CMIP: variants seen among roughly 807,000 people sequenced by gnomAD.
CMIP encodes c-Maf inducing protein.
In CMIP, 13 loss-of-function variants were observed where a neutral mutation model predicts 97.3. That is an observed-to-expected ratio of 0.13 (90% CI 0.09 to 0.21). The LOEUF is 0.21. Among genes scored for constraint, CMIP ranks in the 10% least tolerant of loss-of-function variants. CMIP has a pLI of 1.00. For missense variants in CMIP, 847 were observed against 1,024.9 expected (o/e 0.83, Z 2.37); for synonymous variants, 538 against 436.3 (o/e 1.23, Z -2.91).
intron 1 of CMIP, among the ~76,000 whole-genome samples, chr16:81,474,124 G>A (rs934690109): frequency 3.3e-5 from 5 of 152,050 alleles, no homozygotes; most frequent in African/African-American, 1.2e-4. Flanking sequence ...TTCAGGCTGG[G>A]CACGGCCTCT....
At chr16:81,680,636 C>G (rs1452343493) in intron 10 of CMIP, among the ~76,000 whole-genome samples, 1 of 152,220 alleles carries the variant, frequency 6.6e-6, no homozygotes, top group Non-Finnish European at 1.5e-5. Context: ...AAGCGGAATT[C>G]CAGATCCCAC....
At chr16:81,635,934 G>C (rs1006281066) in intron 3 of CMIP, among the ~76,000 whole-genome samples, 5 of 152,052 alleles carry the variant, frequency 3.3e-5, no homozygotes, top group Non-Finnish European at 5.9e-5. Context: ...TCAAATTTTC[G>C]GGGTTTACAT....
chr16:81,696,402 T>G, intron 13 of CMIP, 158 bp from the exon 14 acceptor site: 1 of 710,396 alleles, frequency 1.4e-6, no homozygotes, highest in South Asian at 1.7e-5. Flanking sequence ...TTCATGGCAT[T>G]TGGTGGAAGG....
chr16:81,604,841 C>G (rs16955637), intron 1 of CMIP, among the ~76,000 whole-genome samples: 2,829 of 152,316 alleles, frequency 0.019, 105 homozygotes, highest in East Asian at 0.18. Flanking sequence ...AAGCCTCTGT[C>G]CAGTGTGTTG....
rs758665398 is a variant in CMIP, at chr16:81,678,498, G to A, written c.1258G>A (p.Ala420Thr). The A allele has an allele frequency of 5.3e-5, 85 of 1,599,806 alleles. No individual in the cohort carries two copies. Among genetic ancestry groups the A allele is most frequent in the South Asian group, 9.0e-5 (8 of 89,088 alleles). Residue 420 changes from alanine to threonine, a missense_variant, in exon 10 of 21, where the codon GCA (alanine) becomes ACA (threonine). Physicochemically the swap from Ala to Thr is moderately conservative, Grantham distance 58. This residue lies in a region of CMIP where 202 missense variants were observed against 168.7 expected (regional missense o/e 1.20). Transcript: ENST00000537098. ...TGCCAAGCCGGCGCTGACGGCCAGC[G>A]CAGGCAACGACAGCGAGCCCAACCT... ...STAKPALTAS[A>T]GNDSEPNLID...
chr16:81,521,246 C>T (rs1372618852), intron 1 of CMIP, among the ~76,000 whole-genome samples: 1 of 152,226 alleles, frequency 6.6e-6, no homozygotes, highest in African/African-American at 2.4e-5. Context: ...GTGGCCTCTG[C>T]ATCATTGCTT....
chr16:81,615,983 C>T (rs1438494049), intron 2 of CMIP, among the ~76,000 whole-genome samples: 5 of 151,924 alleles, frequency 3.3e-5, no homozygotes, highest in African/African-American at 9.7e-5. Context: ...GGGACCACGG[C>T]CAGCTTTCCT....
chr16:81,605,549 C>T (rs1393403638), intron 1 of CMIP, among the ~76,000 whole-genome samples: 1 of 152,224 alleles, frequency 6.6e-6, no homozygotes, highest in Non-Finnish European at 1.5e-5. Context: ...GGTGGACCTA[C>T]CAGCCTCTCC....
In CMIP at chr16:81,548,677, C is replaced by CAA. The variant is rs371381981; in HGVS notation, c.301-58880_301-58879dup. On this transcript the variant is annotated intron_variant, in intron 1 of 20. Transcript: ENST00000537098. ...GCAACATAGGGAGACCATGCCTCTA[C>CAA]AAAAAAAAAAAGAAAAAAAAAAGCC... Among the ~76,000 whole-genome samples, 112 of 113,384 alleles carry CAA rather than the reference C, an allele frequency of 9.9e-4. 1 individual carries two copies. The highest frequency in any genetic ancestry group is 4.9e-3 in the Middle Eastern group (1 of 206). 74.4% of individuals were successfully genotyped at this position (113,384 alleles called of 152,430 possible). A position where few individuals can be genotyped will look rare whatever the true frequency, so the allele number is the denominator to read the frequency against.
At chr16:81,604,657 G>A (rs565743838) in intron 1 of CMIP, among the ~76,000 whole-genome samples, 28 of 152,112 alleles carry the variant, frequency 1.8e-4, no homozygotes, top group Non-Finnish European at 3.7e-4. Flanking sequence ...CCGAGATCGC[G>A]CCACTGCAGT....
At chr16:81,511,957 C>G (rs56147704) in intron 1 of CMIP, among the ~76,000 whole-genome samples, 30,055 of 151,938 alleles carry the variant, frequency 0.2, 3,615 homozygotes, top group Admixed American at 0.31. Flanking sequence ...GAGATGTGCT[C>G]TAAGTGTAAA....
chr16:81,669,018 ACTCCTCCTTCCACACCCACCACACT>A (rs1356080910), intron 7 of CMIP, among the ~76,000 whole-genome samples: 113 of 90,054 alleles, frequency 1.3e-3, no homozygotes, highest in African/African-American at 4.9e-3. Flanking sequence ...CCCACCTCAC[ACTCCTCCTTCCACACCCACCACACT>A]CTCCTCCTTC....
chr16:81,524,200 A>G (rs947209716), intron 1 of CMIP, among the ~76,000 whole-genome samples: 38 of 152,250 alleles, frequency 2.5e-4, no homozygotes, highest in Non-Finnish European at 4.7e-4. Flanking sequence ...AAAGGAAGCC[A>G]GTATTGGGGT....
chr16:81,706,750 C>T (rs1908193803), intron 19 of CMIP, among the ~76,000 whole-genome samples: 1 of 152,134 alleles, frequency 6.6e-6, no homozygotes, highest in African/African-American at 2.4e-5. Context: ...GCAGTGGGGG[C>T]ACACGACAGA....
At chr16:81,481,849 T>C (rs1229264529) in intron 1 of CMIP, among the ~76,000 whole-genome samples, 3 of 151,094 alleles carry the variant, frequency 2.0e-5, no homozygotes, top group African/African-American at 7.3e-5. Context: ...AGTCTTCACA[T>C]CTCCTCTGGC....
At chr16:81,537,862 C>G (rs1276857478) in intron 1 of CMIP, among the ~76,000 whole-genome samples, 2 of 151,086 alleles carry the variant, frequency 1.3e-5, no homozygotes, top group African/African-American at 4.8e-5. Flanking sequence ...GGGCTGCATG[C>G]GTGGGGTGCA....
Position 81,652,272 on chromosome 16 carries a change from C to T in CMIP, c.547C>T (p.Arg183Trp), listed in dbSNP as rs377709392. 5.9e-5 allele frequency: 95 copies of T among 1,613,374 alleles called. No homozygotes were observed. In the South Asian group the frequency reaches 9.1e-4, roughly 15 times the overall value. Residue 183 changes from arginine to tryptophan, a missense_variant, in exon 4 of 21, where the codon CGG (arginine) becomes TGG (tryptophan). Coordinates refer to ENST00000537098, the MANE Select transcript of CMIP (RefSeq NM_198390.3). The surrounding 1 kb of genome is among the most constrained non-coding windows in gnomAD (Gnocchi z 5.2). ...CTGGGAAGTTGTCTTGAAAGAGATCCGGACCCTGGTGGACATGGCCCTGAC... is the reference window on the plus strand; with the variant it reads ...CTGGGAAGTTGTCTTGAAAGAGATCTGGACCCTGGTGGACATGGCCCTGAC... ...SRWEVVLKEI[R>W]TLVDMALTSP...
At position 81,705,571 on chromosome 16, in the gene CMIP, C is replaced by T; in HGVS notation, c.2164C>T (p.Pro722Ser). The change falls in exon 19 of 21, where the codon CCG becomes TCG. Residue 722 changes from proline (P) to serine (S), a missense_variant. By Grantham distance (74) the Pro-to-Ser change is moderately conservative. Coordinates refer to ENST00000537098, the MANE Select transcript of CMIP (RefSeq NM_198390.3). The stretch of plus-strand genomic sequence containing the variant: ...CCAGGTGCTGAACCTGTGCGAGACC[C>T]CGGTCACAGACGCTGGCCTGCTGGC... Reference protein sequence around the residue: ...MLQVLNLCETPVTDAGLLALS... With the variant: ...MLQVLNLCETSVTDAGLLALS... 1 of 1,608,288 alleles carries T rather than the reference C, an allele frequency of 6.2e-7. No individual in the cohort carries two copies. Among genetic ancestry groups the T allele is most frequent in the East Asian group, 2.2e-5 (1 of 44,700 alleles).
intron 1 of CMIP, among the ~76,000 whole-genome samples, chr16:81,527,736 G>C (rs2090160027): frequency 1.3e-5 from 2 of 152,222 alleles, no homozygotes; most frequent in African/African-American, 4.8e-5. Flanking sequence ...CTCCACATGT[G>C]TTTGTGAGCT....
Sources: gnomAD v4.1 joint callset for allele counts (sites outside exome capture counted in the v4.1 genomes callset) on GRCh38, gnomAD v4.1.1 for gene constraint, gnomAD v4.1.1 regional missense constraint, Gnocchi (gnomAD v3.1) non-coding constraint, MANE v1.5 for transcripts, NCBI Gene and HGNC (gene_info 2026-07-23, HGNC 2026-07-21) for gene names.